PRKG1: variants seen among roughly 807,000 people sequenced by gnomAD.
PRKG1 encodes cGMP-dependent protein kinase 1.
In PRKG1, 35 loss-of-function variants were observed where a neutral mutation model predicts 88.1. That is an observed-to-expected ratio of 0.40 (90% confidence interval 0.30 to 0.53). The LOEUF (loss-of-function observed/expected upper bound fraction) is 0.53. Among genes scored for constraint, PRKG1 ranks in the 20% least tolerant of loss-of-function variants. The pLI, the probability that PRKG1 is intolerant of heterozygous loss-of-function variation, is 0.59. For synonymous variants in PRKG1, 303 were observed against 292.5 expected, an observed-to-expected ratio of 1.04 and a Z score of -0.37; for missense variants, 540 against 839.8, an observed-to-expected ratio of 0.64 and a Z score of 4.41.
At chr10:51,202,865 A>G (rs2132058448) in intron 2 of PRKG1, among the ~76,000 whole-genome samples, 1 of 152,344 alleles carries the variant, frequency 6.6e-6, no homozygotes, top group South Asian at 2.1e-4. Context: ...ATGGAAAGCC[A>G]TTGAGTATTT....
chr10:51,562,702 C>A (rs1161195838), intron 3 of PRKG1, among the ~76,000 whole-genome samples: 1 of 152,012 alleles, frequency 6.6e-6, no homozygotes, highest in African/African-American at 2.4e-5. Context: ...GTATTTTTGC[C>A]TATTTTGAAA....
At chr10:51,400,710 T>C (rs1320810699) in intron 2 of PRKG1, among the ~76,000 whole-genome samples, 1 of 152,182 alleles carries the variant, frequency 6.6e-6, no homozygotes, top group Non-Finnish European at 1.5e-5. Flanking sequence ...TTTCCCTTTG[T>C]TTGGTTCTTC....
chr10:51,906,586 C>A (rs552597166), intron 4 of PRKG1, among the ~76,000 whole-genome samples: 2 of 152,216 alleles, frequency 1.3e-5, no homozygotes, highest in Admixed American at 1.3e-4. Context: ...TATCTGAAGA[C>A]CCAGAATGAA....
intron 3 of PRKG1, among the ~76,000 whole-genome samples, chr10:51,720,442 G>A (rs953099408): frequency 1.3e-5 from 2 of 152,080 alleles, no homozygotes; most frequent in Admixed American, 1.3e-4. Flanking sequence ...ACTTTTCTGG[G>A]CTTTTACAGC....
intron 3 of PRKG1, among the ~76,000 whole-genome samples, chr10:51,670,044 C>T (rs1037397927): frequency 3.9e-5 from 6 of 152,094 alleles, no homozygotes; most frequent in Admixed American, 3.9e-4. Context: ...TATTTTAAGG[C>T]TGTATTAGTT....
intron 3 of PRKG1, among the ~76,000 whole-genome samples, chr10:51,682,191 G>C (rs551912718): frequency 6.6e-6 from 1 of 152,326 alleles, no homozygotes; most frequent in South Asian, 2.1e-4. Context: ...TCAGCTGTTA[G>C]AGGGTTTTTC....
In PRKG1 at chr10:51,170,437, TACACACACACACACAC is replaced by T. The variant is rs56159895; in HGVS notation, c.478+17125_478+17140del. On this transcript the variant is annotated intron_variant, in intron 2 of 17. Coordinates refer to ENST00000373980, the MANE Select transcript of PRKG1 (RefSeq NM_006258.4). ...ACTGATTTTTTCAAATGTCTGGGTA[TACACACACACACACAC>T]ACACACACACACACACAACCAGGAG... Among the ~76,000 whole-genome samples, 3 of 144,670 alleles carry T rather than the reference TACACACACACACACAC, an allele frequency of 2.1e-5. No individual in the cohort carries two copies. The East Asian group carries it at 6.2e-4, about 30-fold the overall frequency. The allele number at this position is 144,670 out of a possible 152,430, so 94.9% of individuals were successfully genotyped here.
chr10:51,212,793 C>T (rs562281868), intron 2 of PRKG1, among the ~76,000 whole-genome samples: 9 of 152,082 alleles, frequency 5.9e-5, no homozygotes, highest in East Asian at 3.9e-4. Flanking sequence ...GTTAGAATGG[C>T]GATCATTAAC....
chr10:52,271,942 A>G (rs1841739895), intron 11 of PRKG1, among the ~76,000 whole-genome samples: 1 of 152,106 alleles, frequency 6.6e-6, no homozygotes, highest in Non-Finnish European at 1.5e-5. Context: ...AGCTTTTTGT[A>G]GTGAATTTTC....
At chr10:51,802,095 T>G (rs1180428284) in intron 3 of PRKG1, among the ~76,000 whole-genome samples, 7 of 152,142 alleles carry the variant, frequency 4.6e-5, no homozygotes, top group Non-Finnish European at 7.4e-5. Context: ...TCTCTGTAAG[T>G]TAAGGAAGCA....
rs555015921 is a variant in PRKG1, at chr10:52,201,859, A to G, written c.1076+39896A>G. On this transcript the variant is annotated intron_variant, in intron 9 of 17. Transcript: ENST00000373980. ...CATTCTTGATTTGGCACTCAGCTTG[A>G]ATGTTGTTGTTATAGAAATGCAACT... 2.8e-4 allele frequency among the ~76,000 whole-genome samples: 42 copies of G among 152,046 alleles called. No individual in the cohort carries two copies. In the South Asian group the frequency reaches 8.7e-3, roughly 32 times the overall value.
At chr10:51,839,926 G>C (rs950535501) in intron 4 of PRKG1, among the ~76,000 whole-genome samples, 2 of 152,168 alleles carry the variant, frequency 1.3e-5, no homozygotes, top group African/African-American at 4.8e-5. Context: ...TCTAAGTTTA[G>C]TTTTTAATTC....
At chr10:51,338,826 T>C (rs1841938170) in intron 2 of PRKG1, among the ~76,000 whole-genome samples, 1 of 152,344 alleles carries the variant, frequency 6.6e-6, no homozygotes, top group Admixed American at 6.5e-5. Flanking sequence ...TACAGGATTT[T>C]GTTCCTACTT....
chr10:51,161,958 CTG>C (rs2131989534), intron 2 of PRKG1, among the ~76,000 whole-genome samples: 1 of 152,298 alleles, frequency 6.6e-6, no homozygotes, highest in Admixed American at 6.5e-5. Context: ...CATTACATAA[CTG>C]TTGAAGAGTT....
In PRKG1 at chr10:52,271,133, T is replaced by C. The variant is rs74135384; in HGVS notation, c.1174-217T>C. 0.025 allele frequency among the ~76,000 whole-genome samples: 3,878 copies of C among 152,138 alleles called. 146 individuals are homozygous for C. Among genetic ancestry groups the C allele is most frequent in the African/African-American group, 0.088 (3,671 of 41,506 alleles). Reference sequence around the variant, plus strand: ...ACACGTGAACACAATTAATTTGGAATCAAGTTAGTTAAAATTCAGCCAATT... The same window carrying C: ...ACACGTGAACACAATTAATTTGGAACCAAGTTAGTTAAAATTCAGCCAATT... On this transcript the variant is annotated intron_variant, in intron 10 of 17. Coordinates refer to ENST00000373980, the MANE Select transcript of PRKG1 (RefSeq NM_006258.4).
chr10:51,573,549 T>C (rs1413103996), intron 3 of PRKG1, among the ~76,000 whole-genome samples: 1 of 151,876 alleles, frequency 6.6e-6, no homozygotes, highest in Non-Finnish European at 1.5e-5. Flanking sequence ...AGAATCTTCT[T>C]TGGAGACAGA....
chr10:51,268,350 T>C (rs7085957), intron 2 of PRKG1, among the ~76,000 whole-genome samples: 10,521 of 152,222 alleles, frequency 0.069, 478 homozygotes, highest in African/African-American at 0.12. Context: ...TTCCTCATCC[T>C]AATAAGCCTG....
At chr10:52,244,263 A>T (rs1030118141) in intron 9 of PRKG1, among the ~76,000 whole-genome samples, 6 of 152,076 alleles carry the variant, frequency 3.9e-5, no homozygotes, top group Non-Finnish European at 8.8e-5. Context: ...ATTTGAAAAC[A>T]TGATTTAGCA....
At chr10:51,253,456 T>C (rs1474003003) in intron 2 of PRKG1, among the ~76,000 whole-genome samples, 2 of 151,896 alleles carry the variant, frequency 1.3e-5, no homozygotes, top group Non-Finnish European at 2.9e-5. Context: ...TTCCCCCCAA[T>C]AGACATCCCC....
Sources: allele counts gnomAD v4.1 joint callset (sites outside exome capture counted in the v4.1 genomes callset), GRCh38; gene constraint gnomAD v4.1.1; transcripts MANE v1.5; gene names NCBI Gene and HGNC (gene_info 2026-07-23, HGNC 2026-07-21).